The following PCDH17 variants were observed in gnomAD, a reference collection of about 807,000 sequenced individuals.
PCDH17 encodes protocadherin-17.
PCDH17 carries 21 observed loss-of-function variants against 67.7 expected under a neutral mutation model. The ratio of observed to expected loss-of-function variants is 0.31; its 90% CI spans 0.22 to 0.45. The LOEUF is 0.45. PCDH17 is among the 20% of genes least tolerant of loss of function. The pLI, the probability that PCDH17 is intolerant of heterozygous loss-of-function variation, is 1.00. For synonymous variants in PCDH17, 701 were observed against 656.7 expected (o/e 1.07, Z -1.03); for missense variants, 1,471 against 1,564.8 (o/e 0.94, Z 1.01).
chr13:57,633,623 G>A lies in PCDH17; in HGVS notation c.1077G>A (p.Gly359=), dbSNP rs994143191. Residue 359 remains glycine, a synonymous_variant, in exon 1 of 4, where the codon GGG becomes GGA. Transcript: ENST00000377918. The surrounding 1 kb of genome is among the most constrained non-coding windows in gnomAD (Gnocchi z 6.2). ...TCGGTTTCGTCTCCGTGCGCCAGGG[G>A]GCGCTGAGCGAGGCCGCCCCTCCCG... The part of the protein sequence containing the change: ...PSIGFVSVRQ[G]ALSEAAPPGT... 6.2e-7 allele frequency: 1 copy of A among 1,610,854 alleles called. No individual in the cohort carries two copies. Among genetic ancestry groups the A allele is most frequent in the Non-Finnish European group, 8.5e-7 (1 of 1,180,024 alleles).
At chr13:57,648,483 A>T (rs762359591) in intron 1 of PCDH17, among the ~76,000 whole-genome samples, 2 of 152,008 alleles carry the variant, frequency 1.3e-5, no homozygotes, top group East Asian at 3.9e-4. Context: ...GAAGTTAATT[A>T]GATAAGAGCC....
intron 3 of PCDH17, among the ~76,000 whole-genome samples, chr13:57,672,478 A>G (rs939980596): frequency 1.3e-5 from 2 of 151,978 alleles, no homozygotes; most frequent in African/African-American, 4.8e-5. Flanking sequence ...TTATGTTTGG[A>G]AATGAAACCG....
chr13:57,680,623 C>T (rs1392837170), intron 3 of PCDH17, among the ~76,000 whole-genome samples: 1 of 151,158 alleles, frequency 6.6e-6, no homozygotes, highest in East Asian at 2.0e-4. Context: ...ACATGTGCAC[C>T]TGAGGAGGGT....
intron 3 of PCDH17, among the ~76,000 whole-genome samples, chr13:57,694,767 G>T (rs1268197582): frequency 6.6e-6 from 1 of 150,894 alleles, no homozygotes; most frequent in Non-Finnish European, 1.5e-5. Context: ...TACAGTATAT[G>T]ATACTATAAT....
chr13:57,701,913 CAAT>C (rs1385100504), intron 3 of PCDH17, among the ~76,000 whole-genome samples: 1 of 151,914 alleles, frequency 6.6e-6, no homozygotes, highest in Non-Finnish European at 1.5e-5. Context: ...ACAGCAACAA[CAAT>C]AACTGTACGG....
intron 3 of PCDH17, among the ~76,000 whole-genome samples, chr13:57,672,528 A>T (rs1450133677): frequency 2.0e-5 from 3 of 151,962 alleles, no homozygotes; most frequent in African/African-American, 7.2e-5. Context: ...ACCATGAAGG[A>T]ACTATTTAAG....
In PCDH17 at chr13:57,728,986, A is replaced by G. The variant is rs1014821778; in HGVS notation, c.*3692A>G. 2.0e-5 allele frequency: 3 copies of G among 152,254 alleles called. No homozygotes were observed. The highest frequency in any genetic ancestry group is 2.9e-5 in the Non-Finnish European group (2 of 67,992). 9.4% of individuals were successfully genotyped at this position (152,254 alleles called of 1,614,324 possible). ...TATGCCCAGTCATAATAGTCTAATT[A>G]TATTCTTTTGACAACAGACAGCATT... On this transcript the variant is annotated 3_prime_UTR_variant, in exon 4 of 4. Coordinates refer to ENST00000377918, the MANE Select transcript of PCDH17 (RefSeq NM_001040429.3).
At chr13:57,663,327 A>C (rs1288260854) in intron 1 of PCDH17, among the ~76,000 whole-genome samples, 1 of 152,140 alleles carries the variant, frequency 6.6e-6, no homozygotes, top group Non-Finnish European at 1.5e-5. Context: ...TGAGTCCTAA[A>C]ATGTACAAAT....
intron 3 of PCDH17, among the ~76,000 whole-genome samples, chr13:57,668,871 T>C (rs1197998807): frequency 1.3e-5 from 2 of 152,140 alleles, no homozygotes; most frequent in Non-Finnish European, 2.9e-5. Flanking sequence ...CTTTAAGTTC[T>C]AGGGTACATG....
intron 1 of PCDH17, among the ~76,000 whole-genome samples, chr13:57,649,973 T>C (rs1955015310): frequency 6.6e-6 from 1 of 152,132 alleles, no homozygotes; most frequent in Non-Finnish European, 1.5e-5. Context: ...TTTACATGGT[T>C]TGAAAAGAAG....
chr13:57,651,483 A>C (rs113943071), intron 1 of PCDH17, among the ~76,000 whole-genome samples: 1 of 149,520 alleles, frequency 6.7e-6, no homozygotes, highest in African/African-American at 2.5e-5. Context: ...TACTTCAGGC[A>C]TGTGCCACCA....
intron 3 of PCDH17, among the ~76,000 whole-genome samples, chr13:57,678,144 C>CATAT (rs10627550): frequency 0.049 from 7,277 of 147,434 alleles, 215 homozygotes; most frequent in Middle Eastern, 0.11. Context: ...TCTCTATCTC[C>CATAT]ATATATATAT....
At chr13:57,715,554 AT>A (rs1311156850) in intron 3 of PCDH17, among the ~76,000 whole-genome samples, 1 of 151,858 alleles carries the variant, frequency 6.6e-6, no homozygotes, top group Non-Finnish European at 1.5e-5. Context: ...AAATTGCTAC[AT>A]TATCTTCATA....
At chr13:57,684,657 G>A (rs1489336479) in intron 3 of PCDH17, among the ~76,000 whole-genome samples, 1 of 151,898 alleles carries the variant, frequency 6.6e-6, no homozygotes, top group African/African-American at 2.4e-5. Context: ...GTTGAATGTT[G>A]AAAAGAATGA....
intron 3 of PCDH17, among the ~76,000 whole-genome samples, chr13:57,714,206 C>A (rs1955799989): frequency 6.6e-6 from 1 of 151,696 alleles, no homozygotes; most frequent in South Asian, 2.1e-4. Flanking sequence ...CTAAAACTGA[C>A]ACCTGATTCT....
In PCDH17 at chr13:57,694,465, G is replaced by T. The variant is rs1458653352; in HGVS notation, c.2797+27632G>T. Among the ~76,000 whole-genome samples, 6 of 150,932 alleles carry T rather than the reference G, an allele frequency of 4.0e-5. No individual in the cohort carries two copies. In the East Asian group the frequency reaches 7.8e-4, roughly 20 times the overall value. ...CCTGTGCATTCGTGTATATACAAGG[G>T]TTCCTCCTATTAAAAAAATGCATGT... is the stretch of plus-strand genomic sequence containing the variant. On this transcript the variant is annotated intron_variant, in intron 3 of 3. Coordinates refer to ENST00000377918, the MANE Select transcript of PCDH17 (RefSeq NM_001040429.3).
chr13:57,652,328 G>T (rs984859909), intron 1 of PCDH17, among the ~76,000 whole-genome samples: 1 of 150,314 alleles, frequency 6.7e-6, no homozygotes, highest in Non-Finnish European at 1.5e-5. Context: ...TAAAAAGGTA[G>T]TTTTACTGGA....
At position 57,632,275 on chromosome 13, in the gene PCDH17, A is replaced by T. The variant is rs1954735187; in HGVS notation, c.-272A>T. ...AAACCCCTGGCTCACCCCCAGCCGC[A>T]GGAAGCCACCGCCTTGCTCCAAGCC... On this transcript the variant is annotated 5_prime_UTR_variant, in exon 1 of 4. Transcript: ENST00000377918. 1 of 501,564 alleles carries T rather than the reference A, an allele frequency of 2.0e-6. No homozygotes were observed. The highest frequency in any genetic ancestry group is 1.9e-5 in the African/African-American group (1 of 51,298). 31.1% of individuals were successfully genotyped at this position (501,564 alleles called of 1,614,324 possible).
Position 57,633,032 on chromosome 13 carries a change from C to G in PCDH17, c.486C>G (p.Gly162=). Residue 162 remains glycine, a synonymous_variant, in exon 1 of 4, where the codon GGC becomes GGG. Transcript: ENST00000377918. The surrounding 1 kb of genome is among the most constrained non-coding windows in gnomAD (Gnocchi z 6.2). ...PLTSAHDPDA[G]ENGLRTYLLT... ...CCAGCGCACATGACCCCGACGCCGG[C>G]GAGAATGGGCTCCGCACCTACCTGC... 6.2e-7 allele frequency: 1 copy of G among 1,612,824 alleles called. No individual in the cohort carries two copies. Among genetic ancestry groups the G allele is most frequent in the Middle Eastern group, 1.7e-4 (1 of 6,060 alleles).
Sources: allele counts gnomAD v4.1 joint callset (sites outside exome capture counted in the v4.1 genomes callset), GRCh38; gene constraint gnomAD v4.1.1; non-coding constraint Gnocchi (gnomAD v3.1); transcripts MANE v1.5; gene names NCBI Gene and HGNC (gene_info 2026-07-23, HGNC 2026-07-21).